The following PKHD1L1 variants were observed in gnomAD, a reference collection of about 807,000 sequenced individuals.
PKHD1L1 encodes PKHD1 like 1, also known as fibrocystin-L.
Under a neutral mutation model 462.9 loss-of-function variants are expected in PKHD1L1, and 434 were observed. That is an observed-to-expected ratio of 0.94 (90% CI 0.87 to 1.02). The LOEUF is 1.02. Among genes scored for constraint, PKHD1L1 ranks in the 50% least tolerant of loss-of-function variants. The pLI, the probability that PKHD1L1 is intolerant of heterozygous loss-of-function variation, is 0.00. For missense variants in PKHD1L1, 5,202 were observed against 5,096.1 expected, an observed-to-expected ratio of 1.02 and a Z score of -0.63; for synonymous variants, 1,781 against 1,750.0, an observed-to-expected ratio of 1.02 and a Z score of -0.44.
chr8:109,362,739 A>G (rs919966306), intron 1 of PKHD1L1, 86 bp downstream of exon 1: 3 of 1,404,216 alleles, frequency 2.1e-6, no homozygotes, highest in Non-Finnish European at 2.9e-6. Flanking sequence ...GAGAGGCAGG[A>G]CCACCTGGCA....
chr8:109,477,684 C>G (rs1370178483), intron 53 of PKHD1L1, among the ~76,000 whole-genome samples: 2 of 152,156 alleles, frequency 1.3e-5, no homozygotes, highest in African/African-American at 2.4e-5. Context: ...GACGAGAAAG[C>G]TGACACCCAG....
intron 35 of PKHD1L1, 33 bp from the exon 36 acceptor site, chr8:109,442,912 TA>T (rs775656114): frequency 1.0e-5 from 16 of 1,591,534 alleles, no homozygotes; most frequent in Middle Eastern, 3.3e-4. Flanking sequence ...ATTAATTGCT[TA>T]TATTTATTAC....
At chr8:109,503,160 T>C (rs1040192549) in intron 67 of PKHD1L1, among the ~76,000 whole-genome samples, 1 of 151,966 alleles carries the variant, frequency 6.6e-6, no homozygotes, top group Non-Finnish European at 1.5e-5. Context: ...ATACAAAAAT[T>C]AGCCAGTCAT....
At chr8:109,383,321 A>C (rs1812257859) in intron 4 of PKHD1L1, among the ~76,000 whole-genome samples, 1 of 108,976 alleles carries the variant, frequency 9.2e-6, no homozygotes, top group Non-Finnish European at 1.7e-5. Context: ...CATAATATAT[A>C]ATTAATATTA....
chr8:109,508,292 A>G (rs79467657), intron 70 of PKHD1L1, 28 bp downstream of exon 70: 33,200 of 1,560,490 alleles, frequency 0.021, 431 homozygotes, highest in Non-Finnish European at 0.024. Flanking sequence ...GTAAACTACA[A>G]TTACTCAAAA....
chr8:109,417,303 A>T (rs929859919), intron 21 of PKHD1L1, among the ~76,000 whole-genome samples: 3 of 152,154 alleles, frequency 2.0e-5, no homozygotes, highest in African/African-American at 7.2e-5. Flanking sequence ...AAAACATCTC[A>T]TGTACCCCAC....
chr8:109,365,341 TA>T (rs913220458), intron 2 of PKHD1L1, among the ~76,000 whole-genome samples: 1 of 152,232 alleles, frequency 6.6e-6, no homozygotes, highest in African/African-American at 2.4e-5. Context: ...ATTTGGTCTT[TA>T]AGAAATGAAA....
chr8:109,454,070 A>G (rs1275820050), intron 43 of PKHD1L1, 97 bp from the exon 44 acceptor site: 1 of 668,068 alleles, frequency 1.5e-6, no homozygotes, highest in East Asian at 3.1e-5. Flanking sequence ...TTTAATGTAT[A>G]ATTTAATAAT....
intron 40 of PKHD1L1, 64 bp from the exon 41 acceptor site, chr8:109,450,911 A>C (rs1586542509): frequency 1.4e-6 from 2 of 1,448,464 alleles, no homozygotes; most frequent in East Asian, 2.3e-5. Context: ...AAATGTTTGG[A>C]GGTTTTGGAA....
intron 5 of PKHD1L1, among the ~76,000 whole-genome samples, chr8:109,384,579 A>G (rs1210583727): frequency 6.6e-6 from 1 of 152,040 alleles, no homozygotes; most frequent in African/African-American, 2.4e-5. Context: ...TTCAATGGCT[A>G]TATCTTCATC....
Position 109,379,133 on chromosome 8 carries a change from A to G in PKHD1L1, c.164-2237A>G, listed in dbSNP as rs558755676. Among the ~76,000 whole-genome samples, 48 of 152,312 alleles carry G rather than the reference A, an allele frequency of 3.2e-4. No homozygotes were observed. The South Asian group carries it at 4.4e-3, about 14-fold the overall frequency. On this transcript the variant is annotated intron_variant, in intron 2 of 77. Transcript: ENST00000378402. The stretch of plus-strand genomic sequence containing the variant: ...ATTGCTGAATACCGGAACTGCCAAG[A>G]GCAGAGACCAACACTGAGCTCTCAA...
rs1819810456 is a variant in PKHD1L1 at position 109,508,455 on chromosome 8, G to A, written c.11395+191G>A. Among the ~76,000 whole-genome samples, 2 of 152,042 alleles carry A rather than the reference G, an allele frequency of 1.3e-5. 1 individual carries two copies. On this transcript the variant is annotated intron_variant, in intron 70 of 77. Transcript: ENST00000378402. ...GCAGTACCTCATCCAGGGAAGCAAG[G>A]ACAGTTATTTAAAATTGGGCATTAA...
chr8:109,395,614 G>T (rs1350436731), intron 10 of PKHD1L1, among the ~76,000 whole-genome samples: 2 of 152,160 alleles, frequency 1.3e-5, no homozygotes, highest in Non-Finnish European at 1.5e-5. Flanking sequence ...GCCACAAGAA[G>T]TTCAATCATA....
At chr8:109,420,104 A>G (rs1814387549) in intron 22 of PKHD1L1, among the ~76,000 whole-genome samples, 1 of 152,170 alleles carries the variant, frequency 6.6e-6, no homozygotes, top group Non-Finnish European at 1.5e-5. Flanking sequence ...CTAAGAAAAG[A>G]GCAATGAAGA....
chr8:109,491,062 G>A lies in PKHD1L1; in HGVS notation c.10075G>A (p.Asp3359Asn). The A allele has an allele frequency of 6.2e-7, 1 of 1,609,622 alleles. No homozygotes were observed. The change falls in exon 61 of 78, where the codon GAC (aspartate) becomes AAC (asparagine). Residue 3359 changes from aspartate (D) to asparagine (N), a missense_variant. Coordinates refer to ENST00000378402, the MANE Select transcript of PKHD1L1 (RefSeq NM_177531.6). ...AIGVFGTDGL[D>N]IDDNIIHFTV... ...TGGTGTATTTGGGACAGATGGATTG[G>A]ACATAGATGACAACATCATTCACTT...
intron 67 of PKHD1L1, 98 bp from the exon 68 acceptor site, chr8:109,504,229 G>A (rs1782221286): frequency 2.8e-6 from 2 of 721,932 alleles, no homozygotes; most frequent in Non-Finnish European, 4.2e-6. Flanking sequence ...CCATGTTTAA[G>A]GTAGTGACAA....
chr8:109,514,614 T>C (rs534363486), intron 71 of PKHD1L1, among the ~76,000 whole-genome samples: 2 of 152,300 alleles, frequency 1.3e-5, no homozygotes, highest in South Asian at 4.1e-4. Flanking sequence ...TTAAGCTCCA[T>C]ATTAATCCTT....
Position 109,530,577 on chromosome 8 carries a change from A to T in PKHD1L1, c.*487A>T, listed in dbSNP as rs901722090. ...TTTGGAGAGACGAGATTGTCTTCACACAATCTGAGATGACAATCTCATCTC... is the reference window on the plus strand; with the variant it reads ...TTTGGAGAGACGAGATTGTCTTCACTCAATCTGAGATGACAATCTCATCTC... On this transcript the variant is annotated 3_prime_UTR_variant, in exon 78 of 78. Transcript: ENST00000378402. Among the ~76,000 whole-genome samples the T allele has an allele frequency of 6.6e-6, 1 of 152,134 alleles. No homozygotes were observed. Among genetic ancestry groups the T allele is most frequent in the African/African-American group, 2.4e-5 (1 of 41,434 alleles).
intron 50 of PKHD1L1, 80 bp from the exon 51 acceptor site, chr8:109,475,038 C>G: frequency 2.2e-6 from 3 of 1,354,110 alleles, no homozygotes; most frequent in Non-Finnish European, 3.0e-6. Context: ...ACTAAACTAA[C>G]TTTTGCACTT....
Sources: allele counts gnomAD v4.1 joint callset (sites outside exome capture counted in the v4.1 genomes callset), GRCh38; gene constraint gnomAD v4.1.1; transcripts MANE v1.5; gene names NCBI Gene and HGNC (gene_info 2026-07-23, HGNC 2026-07-21).